Variants in USB1 observed in about 807,000 individuals in gnomAD.
USB1 encodes the protein U6 snRNA phosphodiesterase 1.
A neutral mutation model predicts 29.9 loss-of-function variants in USB1; 21 were observed. That is an observed-to-expected ratio of 0.70 (90% CI 0.50 to 1.01). The LOEUF is 1.01. Ranked by LOEUF, USB1 falls within the 50% of genes least tolerant of loss-of-function variation. USB1 has a pLI of 0.00. For missense variants in USB1, 330 were observed against 347.1 expected, an observed-to-expected ratio of 0.95 and a Z score of 0.39; for synonymous variants, 143 against 134.9, an observed-to-expected ratio of 1.06 and a Z score of -0.42.
intron 1 of USB1, 61 bp downstream of exon 1, chr16:58,001,642 C>T (rs1239173929): frequency 6.5e-7 from 1 of 1,537,918 alleles, no homozygotes; most frequent in Non-Finnish European, 8.8e-7. Flanking sequence ...CAGACGGGAC[C>T]CGAATGTCTG....
At chr16:58,010,646 T>A (rs1472322882) in intron 3 of USB1, 1 of 268,878 alleles carries the variant, frequency 3.7e-6, no homozygotes, top group African/African-American at 2.2e-5. Flanking sequence ...GATCATTTGC[T>A]AGAATGGCTC....
At chr16:58,014,357 G>A in intron 4 of USB1, 31 bp downstream of exon 4, 4 of 1,593,592 alleles carry the variant, frequency 2.5e-6, no homozygotes, top group Non-Finnish European at 1.7e-6. Flanking sequence ...ATCACCATCA[G>A]AGGAAGATTC....
At chr16:58,014,149 G>A in intron 3 of USB1, 124 bp from the exon 4 acceptor site, 1 of 776,688 alleles carries the variant, frequency 1.3e-6, no homozygotes, top group South Asian at 1.6e-5. Context: ...GCATAATGGG[G>A]TGATAATATG....
intron 2 of USB1, 137 bp from the exon 3 acceptor site, chr16:58,009,792 G>T: frequency 1.3e-6 from 1 of 770,174 alleles, no homozygotes; most frequent in Non-Finnish European, 2.3e-6. Flanking sequence ...AGAAGACATA[G>T]ACATAGGCTG....
At chr16:58,012,191 C>G (rs966089444) in intron 3 of USB1, 2 of 1,481,820 alleles carry the variant, frequency 1.3e-6, no homozygotes, top group African/African-American at 1.4e-5. Context: ...CAGGATTTGT[C>G]CCAATCCAGA....
intron 1 of USB1, 24 bp from the exon 2 acceptor site, chr16:58,002,455 C>G (rs1162113514): frequency 6.2e-7 from 1 of 1,613,144 alleles, no homozygotes; most frequent in African/African-American, 1.3e-5. Flanking sequence ...TAAATGTACT[C>G]ATTTTTCTTT....
intron 5 of USB1, among the ~76,000 whole-genome samples, chr16:58,017,698 C>T (rs1371456214): frequency 1.3e-5 from 2 of 152,176 alleles, no homozygotes; most frequent in African/African-American, 2.4e-5. Context: ...GTACCTTCTG[C>T]TCCATAATGT....
Position 58,002,461 on chromosome 16 carries a change from T to C in USB1, c.99-18T>C. The stretch of plus-strand genomic sequence containing the variant: ...CTAACAGGATAAATGTACTCATTTT[T>C]CTTTTTTTCTTTTGCAGTGGCCAGA... On this transcript the variant is annotated intron_variant, in intron 1 of 6. Coordinates refer to ENST00000219281, the MANE Select transcript of USB1 (RefSeq NM_024598.4). 6.2e-7 allele frequency: 1 copy of C among 1,613,466 alleles called. No individual in the cohort carries two copies. The highest frequency in any genetic ancestry group is 8.5e-7 in the Non-Finnish European group (1 of 1,180,006).
At chr16:58,009,881 G>A (rs1963448529) in intron 2 of USB1, 48 bp from the exon 3 acceptor site, 2 of 1,612,400 alleles carry the variant, frequency 1.2e-6, no homozygotes, top group Non-Finnish European at 1.7e-6. Flanking sequence ...TTCAGCCATG[G>A]CACCTTGGCT....
In USB1 at chr16:58,018,134, A is replaced by G. The variant is rs549066887; in HGVS notation, c.609+695A>G. Among the ~76,000 whole-genome samples the G allele has an allele frequency of 2.6e-5, 4 of 152,276 alleles. No individual in the cohort carries two copies. In the South Asian group the frequency reaches 8.3e-4, roughly 32 times the overall value. Reference sequence around the variant, plus strand: ...GCTCAGGCTGTCATAACAAAATACCATAGACTGGGTGGCCTAAATAACAGA... The same window carrying G: ...GCTCAGGCTGTCATAACAAAATACCGTAGACTGGGTGGCCTAAATAACAGA... On this transcript the variant is annotated intron_variant, in intron 5 of 6. Coordinates refer to ENST00000219281, the MANE Select transcript of USB1 (RefSeq NM_024598.4).
chr16:58,002,643 C>G lies in USB1; in HGVS notation c.263C>G (p.Pro88Arg), dbSNP rs770881616. Residue 88 changes from proline (P) to arginine (R), a missense_variant and splice_region_variant, in exon 2 of 7, where the codon CCA becomes CGA. Transcript: ENST00000219281. ...RGNWATHVYV[P>R]YEAKEEFLDL... Reference sequence around the variant, plus strand: ...AACTGGGCCACCCACGTCTATGTACCATGTGAGTGATGTGTGAAAGGCAAG... The same window carrying G: ...AACTGGGCCACCCACGTCTATGTACGATGTGAGTGATGTGTGAAAGGCAAG... 1.2e-6 allele frequency: 2 copies of G among 1,613,784 alleles called. No homozygotes were observed. The highest frequency in any genetic ancestry group is 2.2e-5 in the South Asian group (2 of 91,078).
chr16:58,012,933 G>A (rs1963532455), intron 3 of USB1: 1 of 986,166 alleles, frequency 1.0e-6, no homozygotes, highest in Non-Finnish European at 1.2e-6. Context: ...GATCCCTGTG[G>A]GATGTATATG....
upstream of USB1, among the ~76,000 whole-genome samples, chr16:58,000,759 G>C (rs1477464590): frequency 6.6e-6 from 1 of 151,660 alleles, no homozygotes; most frequent in Non-Finnish European, 1.5e-5. The surrounding 1 kb of genome is among the most constrained non-coding windows in gnomAD (Gnocchi z 4.5). Flanking sequence ...GGGAGGAGCG[G>C]GCGGCGCGGA....
Position 58,017,384 on chromosome 16 carries a change from TGGTTTCAGA to T in USB1, c.558_566del (p.Ser187_Val189del). 6.2e-7 allele frequency: 1 copy of T among 1,614,246 alleles called. No individual in the cohort carries two copies. Among genetic ancestry groups the T allele is most frequent in the Non-Finnish European group, 8.5e-7 (1 of 1,180,038 alleles). On this transcript the variant is annotated inframe_deletion, in exon 5 of 7. Coordinates refer to ENST00000219281, the MANE Select transcript of USB1 (RefSeq NM_024598.4). The stretch of plus-strand genomic sequence containing the variant: ...TCAGGGCATGCCCAGTTCCTGGACC[TGGTTTCAGA>T]GGTGGACAGAGTCATGGAGGAATTC...
upstream of USB1, chr16:57,999,640 C>T (rs191833236): frequency 1.3e-5 from 2 of 152,360 alleles, no homozygotes; most frequent in East Asian, 1.9e-4. Flanking sequence ...GAAGGAGAAG[C>T]CTTCACAGGA....
At chr16:58,009,574 T>A (rs1473290346) in intron 2 of USB1, among the ~76,000 whole-genome samples, 5 of 150,100 alleles carry the variant, frequency 3.3e-5, no homozygotes, top group African/African-American at 9.8e-5. Flanking sequence ...AAAAAAAAAA[T>A]ATTATCCAGG....
chr16:58,002,239 C>G (rs1963233475), intron 1 of USB1, among the ~76,000 whole-genome samples: 1 of 152,160 alleles, frequency 6.6e-6, no homozygotes, highest in South Asian at 2.1e-4. Flanking sequence ...AATGTGACCC[C>G]TGAACCACAT....
chr16:58,013,039 C>G lies in USB1; in HGVS notation c.450-1234C>G. 1.0e-6 allele frequency: 1 copy of G among 985,560 alleles called. No homozygotes were observed. The highest frequency in any genetic ancestry group is 1.2e-6 in the Non-Finnish European group (1 of 830,058). The allele number at this position is 985,560 out of a possible 1,614,324, so 61.1% of individuals were successfully genotyped here. On this transcript the variant is annotated intron_variant, in intron 3 of 6. Transcript: ENST00000219281. The surrounding 1 kb of genome is among the most constrained non-coding windows in gnomAD (Gnocchi z 4.3). ...AAAGGATCTGTGTCATGAGTGAAGC[C>G]CGGGCAGGTGTGGTCTGTTCAACTT...
upstream of USB1, among the ~76,000 whole-genome samples, chr16:58,000,654 T>C (rs1216826787): frequency 1.5e-5 from 2 of 135,298 alleles, no homozygotes; most frequent in Non-Finnish European, 3.2e-5. This position sits in a 1 kb window ranked among gnomAD's most constrained non-coding sequence, Gnocchi z 4.5. Context: ...GACGGACCGA[T>C]GGCCTTGCGG....
Sources: gnomAD v4.1 joint callset for allele counts (sites outside exome capture counted in the v4.1 genomes callset) on GRCh38, gnomAD v4.1.1 for gene constraint, Gnocchi (gnomAD v3.1) non-coding constraint, MANE v1.5 for transcripts, NCBI Gene and HGNC (gene_info 2026-07-23, HGNC 2026-07-21) for gene names.